Variants in KCND2 observed in about 807,000 individuals in gnomAD.
KCND2 encodes A-type voltage-gated potassium channel KCND2.
A neutral mutation model predicts 54.4 loss-of-function variants in KCND2; 16 were observed. That is an observed-to-expected ratio of 0.29 (90% CI 0.20 to 0.45). KCND2 has a LOEUF of 0.45. Ranked by LOEUF, KCND2 falls within the 20% of genes least tolerant of loss-of-function variation. The pLI, the probability that KCND2 is intolerant of heterozygous loss-of-function variation, is 1.00. For synonymous variants in KCND2, 317 were observed against 310.7 expected (o/e 1.02, Z -0.21); for missense variants, 486 against 824.2 (o/e 0.59, Z 5.02).
At chr7:120,608,695 A>G (rs1375757989) in intron 1 of KCND2, among the ~76,000 whole-genome samples, 1 of 152,068 alleles carries the variant, frequency 6.6e-6, no homozygotes, top group African/African-American at 2.4e-5. Context: ...GGTTTTATTC[A>G]CCCAACCACA....
chr7:120,679,633 A>T (rs1195743654), intron 1 of KCND2, among the ~76,000 whole-genome samples: 1 of 151,982 alleles, frequency 6.6e-6, no homozygotes, highest in Admixed American at 6.6e-5. Context: ...ATTATTTCTT[A>T]CCTGCTTAAA....
chr7:120,417,474 C>T (rs1801540637), intron 1 of KCND2, among the ~76,000 whole-genome samples: 1 of 152,162 alleles, frequency 6.6e-6, no homozygotes, highest in South Asian at 2.1e-4. Context: ...AAAGTTCTCC[C>T]TCAGTCATCC....
chr7:120,600,827 T>C (rs1208162569), intron 1 of KCND2, among the ~76,000 whole-genome samples: 1 of 152,064 alleles, frequency 6.6e-6, no homozygotes, highest in African/African-American at 2.4e-5. Context: ...ATTATATCAA[T>C]GAATGTTTGT....
chr7:120,380,029 A>G (rs2116023141), intron 1 of KCND2, among the ~76,000 whole-genome samples: 1 of 152,196 alleles, frequency 6.6e-6, no homozygotes. Flanking sequence ...TTTTCATATG[A>G]TATATCAAAT....
chr7:120,578,651 G>A (rs1792470973), intron 1 of KCND2, among the ~76,000 whole-genome samples: 1 of 152,108 alleles, frequency 6.6e-6, no homozygotes, highest in Admixed American at 6.6e-5. Flanking sequence ...AGATCACGAG[G>A]TCAGGAGTTC....
At chr7:120,676,323 G>A (rs1792060151) in intron 1 of KCND2, among the ~76,000 whole-genome samples, 2 of 151,950 alleles carry the variant, frequency 1.3e-5, no homozygotes, top group Admixed American at 1.3e-4. Flanking sequence ...TTAAATGAAT[G>A]TTTAATCATT....
chr7:120,585,590 G>T (rs1449137989), intron 1 of KCND2, among the ~76,000 whole-genome samples: 2 of 152,074 alleles, frequency 1.3e-5, no homozygotes, highest in African/African-American at 4.8e-5. Context: ...GTAGGTCAGA[G>T]ATCACACATT....
chr7:120,530,436 T>A (rs1221371801), intron 1 of KCND2, among the ~76,000 whole-genome samples: 1 of 152,190 alleles, frequency 6.6e-6, no homozygotes, highest in East Asian at 1.9e-4. Context: ...GAGCAGGTGC[T>A]TTCTCATTAT....
intron 1 of KCND2, among the ~76,000 whole-genome samples, chr7:120,400,069 A>G (rs910633078): frequency 6.6e-6 from 1 of 152,154 alleles, no homozygotes. Context: ...CATTGTGTCC[A>G]TGAAACACCA....
rs1006892538 is a variant in KCND2, at chr7:120,639,596, C to T, written c.1116-93307C>T. Among the ~76,000 whole-genome samples the T allele has an allele frequency of 7.1e-4, 108 of 152,262 alleles. 2 individuals carry two copies. Among genetic ancestry groups the T allele is most frequent in the African/African-American group, 2.5e-3 (102 of 41,560 alleles). On this transcript the variant is annotated intron_variant, in intron 1 of 5. Coordinates refer to ENST00000331113, the MANE Select transcript of KCND2 (RefSeq NM_012281.3). ...GTTTTTTAATAGATTAATGTCAATACTTGTCCATCATACTGAAATATTAAA... is the reference window on the plus strand; with the variant it reads ...GTTTTTTAATAGATTAATGTCAATATTTGTCCATCATACTGAAATATTAAA...
At chr7:120,451,473 A>G (rs1405096670) in intron 1 of KCND2, among the ~76,000 whole-genome samples, 2 of 152,162 alleles carry the variant, frequency 1.3e-5, no homozygotes. Flanking sequence ...ATAATAATAA[A>G]CACTATTGAT....
At chr7:120,283,335 G>A (rs1317247172) in intron 1 of KCND2, among the ~76,000 whole-genome samples, 1 of 152,146 alleles carries the variant, frequency 6.6e-6, no homozygotes, top group Non-Finnish European at 1.5e-5. Context: ...GAAAGGGGGA[G>A]CCATTAGAGA....
chr7:120,542,590 A>G (rs1354164207), intron 1 of KCND2, among the ~76,000 whole-genome samples: 1 of 152,134 alleles, frequency 6.6e-6, no homozygotes, highest in Non-Finnish European at 1.5e-5. Flanking sequence ...TCCATGTTCT[A>G]TATAGTTCAT....
chr7:120,649,122 A>G (rs1257438954), intron 1 of KCND2, among the ~76,000 whole-genome samples: 1 of 152,158 alleles, frequency 6.6e-6, no homozygotes, highest in South Asian at 2.1e-4. Context: ...AGAATTATTG[A>G]GATAACTAAT....
intron 1 of KCND2, among the ~76,000 whole-genome samples, chr7:120,286,690 A>G (rs1294754287): frequency 6.6e-6 from 1 of 152,018 alleles, no homozygotes; most frequent in Non-Finnish European, 1.5e-5. Flanking sequence ...TTGAGTCACC[A>G]TACAAAACAT....
chr7:120,566,367 G>A (rs1352958312), intron 1 of KCND2, among the ~76,000 whole-genome samples: 1 of 151,960 alleles, frequency 6.6e-6, no homozygotes, highest in Admixed American at 6.6e-5. Context: ...TTAAGATGAG[G>A]TCTGGCTCTG....
chr7:120,358,897 AC>A (rs953243438), intron 1 of KCND2, among the ~76,000 whole-genome samples: 1 of 152,166 alleles, frequency 6.6e-6, no homozygotes, highest in Non-Finnish European at 1.5e-5. Context: ...TTTTTTTACT[AC>A]CTACATTGCT....
Position 120,385,526 on chromosome 7 carries a change from G to A in KCND2, c.1115+109779G>A, listed in dbSNP as rs548311342. ...CATAGCAAATAAATAGATGAATGCT[G>A]AAAAGGGAGAACTTTTAACTTATAA... On this transcript the variant is annotated intron_variant, in intron 1 of 5. Transcript: ENST00000331113. 1.4e-3 allele frequency among the ~76,000 whole-genome samples: 219 copies of A among 152,210 alleles called. 1 individual carries two copies. The highest frequency in any genetic ancestry group is 5.2e-3 in the African/African-American group (216 of 41,560).
At chr7:120,546,570 A>G (rs955957346) in intron 1 of KCND2, among the ~76,000 whole-genome samples, 1 of 151,884 alleles carries the variant, frequency 6.6e-6, no homozygotes, top group African/African-American at 2.4e-5. Flanking sequence ...GAAACCATCA[A>G]GTTCTTCTGC....
Sources: allele counts gnomAD v4.1 joint callset (sites outside exome capture counted in the v4.1 genomes callset), GRCh38; gene constraint gnomAD v4.1.1; transcripts MANE v1.5; gene names NCBI Gene and HGNC (gene_info 2026-07-23, HGNC 2026-07-21).